IRF2BP1: variants seen among roughly 807,000 people sequenced by gnomAD.
The protein encoded by IRF2BP1 is interferon regulatory factor 2-binding protein 1.
In IRF2BP1, 9 loss-of-function variants were observed where a neutral mutation model predicts 38.6. The observed-to-expected ratio is 0.23, with a 90% CI of 0.14 to 0.41. The LOEUF (loss-of-function observed/expected upper bound fraction) is 0.41, where lower values mean the gene tolerates loss of function less well. IRF2BP1 is among the 10% of genes least tolerant of loss of function. The probability of loss-of-function intolerance (pLI) is 1.00; values close to 1 mark genes in which losing one functional copy is unlikely to be tolerated. For synonymous variants in IRF2BP1, 416 were observed against 383.4 expected (o/e 1.08, Z -0.99); for missense variants, 631 against 829.6 (o/e 0.76, Z 2.94).
Position 45,883,854 on chromosome 19 carries a change from C to T in IRF2BP1, c.*166G>A, listed in dbSNP as rs1343611761. Reference sequence around the variant, plus strand: ...CTCGGACAGGAGCCACAAGCTTTCTCCCCCCACCCACAATGCATCTACCCC... The same window carrying T: ...CTCGGACAGGAGCCACAAGCTTTCTTCCCCCACCCACAATGCATCTACCCC... On this transcript the variant is annotated 3_prime_UTR_variant, in exon 1 of 1. Coordinates refer to ENST00000302165, the MANE Select transcript of IRF2BP1 (RefSeq NM_015649.3). 3.3e-6 allele frequency: 2 copies of T among 602,640 alleles called. No homozygotes were observed. Among genetic ancestry groups the T allele is most frequent in the Non-Finnish European group, 2.7e-6 (1 of 368,660 alleles). 37.3% of individuals were successfully genotyped at this position (602,640 alleles called of 1,614,324 possible). A position where few individuals can be genotyped will look rare whatever the true frequency, so the allele number is the denominator to read the frequency against.
chr19:45,884,434 C>A lies in IRF2BP1; in HGVS notation c.1341G>T (p.Val447=). 6.3e-7 allele frequency: 1 copy of A among 1,597,320 alleles called. No homozygotes were observed. The highest frequency in any genetic ancestry group is 2.2e-5 in the East Asian group (1 of 44,660). The change falls in exon 1 of 1, where the codon GTG becomes GTT. Residue 447 remains valine (V), a synonymous_variant. Coordinates refer to ENST00000302165, the MANE Select transcript of IRF2BP1 (RefSeq NM_015649.3). ...CTGCAGGGCTGGCGCCCCCTGCACG[C>A]ACAGGCCCCCCGCCTCCGCCAGGGT... is the stretch of plus-strand genomic sequence containing the variant. ...PKDPGGGGGP[V]RAGGASPAAS...
In IRF2BP1 at chr19:45,883,774, C is replaced by T. The variant is rs1052129188; in HGVS notation, c.*246G>A. 6 of 404,586 alleles carry T rather than the reference C, an allele frequency of 1.5e-5. No individual in the cohort carries two copies. Among genetic ancestry groups the T allele is most frequent in the African/African-American group, 1.2e-4 (6 of 48,768 alleles). The allele number at this position is 404,586 out of a possible 1,614,324, so 25.1% of individuals were successfully genotyped here. On this transcript the variant is annotated 3_prime_UTR_variant, in exon 1 of 1. Transcript: ENST00000302165. ...CCCCCAACTACAAGCAGCAGCAAAG[C>T]CAAGCCAAGGAGGACAGAGGGAAAC...
At position 45,885,868 on chromosome 19, in the gene IRF2BP1, C is replaced by A. The variant is rs1479497870; in HGVS notation, c.-94G>T. 15 of 1,342,804 alleles carry A rather than the reference C, an allele frequency of 1.1e-5. No individual in the cohort carries two copies. The highest frequency in any genetic ancestry group is 1.4e-5 in the Non-Finnish European group (15 of 1,041,788). 83.2% of individuals were successfully genotyped at this position (1,342,804 alleles called of 1,614,324 possible). A position where few individuals can be genotyped will look rare whatever the true frequency, so the allele number is the denominator to read the frequency against. ...CGTTCGATCCGCGTCCCGGGGACAGCGCGAGCCACGGTCCGGCCTCCGGCT... is the reference window on the plus strand; with the variant it reads ...CGTTCGATCCGCGTCCCGGGGACAGAGCGAGCCACGGTCCGGCCTCCGGCT... On this transcript the variant is annotated 5_prime_UTR_variant, in exon 1 of 1. Coordinates refer to ENST00000302165, the MANE Select transcript of IRF2BP1 (RefSeq NM_015649.3).
Position 45,885,538 on chromosome 19 carries a change from G to A in IRF2BP1, c.237C>T (p.Asp79=). 1 of 1,430,984 alleles carries A rather than the reference G, an allele frequency of 7.0e-7. No individual in the cohort carries two copies. The highest frequency in any genetic ancestry group is 1.5e-5 in the African/African-American group (1 of 66,980). The allele number at this position is 1,430,984 out of a possible 1,614,324, so 88.6% of individuals were successfully genotyped here. Residue 79 remains aspartate, a synonymous_variant, in exon 1 of 1, where the codon GAC becomes GAT. Coordinates refer to ENST00000302165, the MANE Select transcript of IRF2BP1 (RefSeq NM_015649.3). ...PPALKHPATK[D]LAAAAAQGPQ... Reference sequence around the variant, plus strand: ...GCCCCTGTGCGGCTGCCGCCGCCAGGTCCTTGGTGGCCGGGTGCTTAAGGG... The same window carrying A: ...GCCCCTGTGCGGCTGCCGCCGCCAGATCCTTGGTGGCCGGGTGCTTAAGGG...
chr19:45,884,873 A>G lies in IRF2BP1; in HGVS notation c.902T>C (p.Leu301Pro), dbSNP rs1442150438. ...AVARQMFHDALREPGKALASS... is the reference protein window; with the variant it reads ...AVARQMFHDAPREPGKALASS... ...AGCCAGTGCCTTGCCCGGCTCCCGCAGAGCATCGTGGAACATCTGGCGAGC... is the reference window on the plus strand; with the variant it reads ...AGCCAGTGCCTTGCCCGGCTCCCGCGGAGCATCGTGGAACATCTGGCGAGC... The change falls in exon 1 of 1, where the codon CTG becomes CCG. Residue 301 changes from leucine to proline, a missense_variant. Around this residue, in one of 5 missense-constraint regions of IRF2BP1, gnomAD observed 133 missense variants for 232.2 expected, o/e 0.57. Transcript: ENST00000302165. 1 of 1,613,100 alleles carries G rather than the reference A, an allele frequency of 6.2e-7. No individual in the cohort carries two copies. The highest frequency in any genetic ancestry group is 2.2e-5 in the East Asian group (1 of 44,882).
In IRF2BP1 at chr19:45,885,499, G is replaced by A. The variant is rs1317371876; in HGVS notation, c.276C>T (p.Pro92=). 6.3e-6 allele frequency: 9 copies of A among 1,439,734 alleles called. No individual in the cohort carries two copies. The Middle Eastern group carries it at 7.5e-4, about 120-fold the overall frequency. The allele number at this position is 1,439,734 out of a possible 1,614,324, so 89.2% of individuals were successfully genotyped here. A position where few individuals can be genotyped will look rare whatever the true frequency, so the allele number is the denominator to read the frequency against. ...CTGACGGCTGGGGCTGGGCCTGCGGGGGCGGCAGCTGGGGCCCCTGTGCGG... is the reference window on the plus strand; with the variant it reads ...CTGACGGCTGGGGCTGGGCCTGCGGAGGCGGCAGCTGGGGCCCCTGTGCGG... ...AAAAQGPQLP[P]PQAQPQPSGT... The change falls in exon 1 of 1, where the codon CCC becomes CCT. Residue 92 remains proline, a synonymous_variant. Coordinates refer to ENST00000302165, the MANE Select transcript of IRF2BP1 (RefSeq NM_015649.3).
rs1321729588 is a variant in IRF2BP1 at position 45,884,493 on chromosome 19, T to G, written c.1282A>C (p.Asn428His). 1 of 1,600,256 alleles carries G rather than the reference T, an allele frequency of 6.2e-7. No homozygotes were observed. The highest frequency in any genetic ancestry group is 8.5e-7 in the Non-Finnish European group (1 of 1,179,382). ...GAGTGGCCCAGGGCTTCGGCCACATTCTTCAGGGCGGCAATGGGCGAGGGC... is the reference window on the plus strand; with the variant it reads ...GAGTGGCCCAGGGCTTCGGCCACATGCTTCAGGGCGGCAATGGGCGAGGGC... ...GVPSPIAALK[N>H]VAEALGHSPK... is the part of the protein sequence containing the mutation. Residue 428 changes from asparagine to histidine, a missense_variant, in exon 1 of 1, where the codon AAT becomes CAT. Physicochemically the swap from Asn to His is moderately conservative, Grantham distance 68. Transcript: ENST00000302165.
In IRF2BP1 at chr19:45,884,899, C is replaced by T. The variant is rs757395614; in HGVS notation, c.876G>A (p.Val292=). Residue 292 remains valine (V), a synonymous_variant, in exon 1 of 1, where the codon GTG becomes GTA. Transcript: ENST00000302165. ...SGNVYAGVLA[V]ARQMFHDALR... Reference sequence around the variant, plus strand: ...GAGCATCGTGGAACATCTGGCGAGCCACTGCCAGGACGCCGGCGTACACAT... The same window carrying T: ...GAGCATCGTGGAACATCTGGCGAGCTACTGCCAGGACGCCGGCGTACACAT... 1.5e-5 allele frequency: 25 copies of T among 1,613,136 alleles called. No homozygotes were observed. In the South Asian group the frequency reaches 2.6e-4, roughly 17 times the overall value.
In IRF2BP1 at chr19:45,885,617, C is replaced by T; in HGVS notation, c.158G>A (p.Arg53His). The T allele has an allele frequency of 6.5e-7, 1 of 1,541,544 alleles. No homozygotes were observed. Among genetic ancestry groups the T allele is most frequent in the Non-Finnish European group, 8.7e-7 (1 of 1,155,474 alleles). The change falls in exon 1 of 1, where the codon CGC becomes CAC. Residue 53 changes from arginine to histidine, a missense_variant. By Grantham distance (29) the Arg-to-His change is conservative (BLOSUM62 0). Coordinates refer to ENST00000302165, the MANE Select transcript of IRF2BP1 (RefSeq NM_015649.3). ...GAGCACGTGGCTGCGCTTGAGCTGGCGGGCGGCATCGATGAGCAGTTCGAT... is the reference window on the plus strand; with the variant it reads ...GAGCACGTGGCTGCGCTTGAGCTGGTGGGCGGCATCGATGAGCAGTTCGAT... ...DRIELLIDAA[R>H]QLKRSHVLPE...
At position 45,883,828 on chromosome 19, in the gene IRF2BP1, C is replaced by T; in HGVS notation, c.*192G>A. 2 of 529,070 alleles carry T rather than the reference C, an allele frequency of 3.8e-6. No homozygotes were observed. Among genetic ancestry groups the T allele is most frequent in the Non-Finnish European group, 6.5e-6 (2 of 306,922 alleles). 32.8% of individuals were successfully genotyped at this position (529,070 alleles called of 1,614,324 possible). A position where few individuals can be genotyped will look rare whatever the true frequency, so the allele number is the denominator to read the frequency against. ...AGGGGCCAAGGGACCCCAAACACCCCCTCGGACAGGAGCCACAAGCTTTCT... is the reference window on the plus strand; with the variant it reads ...AGGGGCCAAGGGACCCCAAACACCCTCTCGGACAGGAGCCACAAGCTTTCT... On this transcript the variant is annotated 3_prime_UTR_variant, in exon 1 of 1. Coordinates refer to ENST00000302165, the MANE Select transcript of IRF2BP1 (RefSeq NM_015649.3).
rs904172419 is a variant in IRF2BP1 at position 45,884,279 on chromosome 19, G to T, written c.1496C>A (p.Ala499Asp). The change falls in exon 1 of 1, where the codon GCC (alanine) becomes GAC (aspartate). Residue 499 changes from alanine (A) to aspartate (D), a missense_variant. Physicochemically the swap from Ala to Asp is moderately radical, Grantham distance 126 (BLOSUM62 -2). This residue lies in a region of IRF2BP1 where 201 missense variants were observed against 215.3 expected (regional missense o/e 0.93). Transcript: ENST00000302165. ...GGSGTGATPGAPLCCTLCRER... is the reference protein window; with the variant it reads ...GGSGTGATPGDPLCCTLCRER... ...CCTGCACAGGGTACAGCACAGGGGG[G>T]CCCCAGGGGTCGCCCCAGTGCCGCT... 1.2e-6 allele frequency: 2 copies of T among 1,609,588 alleles called. No homozygotes were observed. Among genetic ancestry groups the T allele is most frequent in the Non-Finnish European group, 1.7e-6 (2 of 1,178,556 alleles).
chr19:45,885,814 G>A lies in IRF2BP1; in HGVS notation c.-40C>T. ...CGCCGCCCAGCTCCCGCGTTCCACC[G>A]GCCGCCGACGTGCGATCCGCGCCGC... On this transcript the variant is annotated 5_prime_UTR_variant, in exon 1 of 1. Coordinates refer to ENST00000302165, the MANE Select transcript of IRF2BP1 (RefSeq NM_015649.3). The A allele has an allele frequency of 6.7e-7, 1 of 1,490,322 alleles. No individual in the cohort carries two copies. Among genetic ancestry groups the A allele is most frequent in the Non-Finnish European group, 8.8e-7 (1 of 1,130,870 alleles). 92.3% of individuals were successfully genotyped at this position (1,490,322 alleles called of 1,614,324 possible). A position where few individuals can be genotyped will look rare whatever the true frequency, so the allele number is the denominator to read the frequency against.
chr19:45,884,640 G>T lies in IRF2BP1; in HGVS notation c.1135C>A (p.Arg379Ser), dbSNP rs1273532379. ...APSRNLAPTPRRRKASPEPEG... is the reference protein window; with the variant it reads ...APSRNLAPTPSRRKASPEPEG... ...GGCTCGGGGGATGCCTTGCGACGGC[G>T]CGGCGTGGGCGCCAGGTTCCGGGAT... is the stretch of plus-strand genomic sequence containing the variant. The change falls in exon 1 of 1, where the codon CGC becomes AGC. Residue 379 changes from arginine (R) to serine (S), a missense_variant. Arg to Ser is a moderately radical substitution (Grantham distance 110). Transcript: ENST00000302165. 2 of 1,599,858 alleles carry T rather than the reference G, an allele frequency of 1.3e-6. No individual in the cohort carries two copies. The highest frequency in any genetic ancestry group is 1.7e-4 in the Middle Eastern group (1 of 5,960).
Position 45,884,662 on chromosome 19 carries a change from G to T in IRF2BP1, c.1113C>A (p.Ser371=), listed in dbSNP as rs760512789. The change falls in exon 1 of 1, where the codon TCC becomes TCA. Residue 371 remains serine, a synonymous_variant. Transcript: ENST00000302165. ...ALCGPPPRAP[S]RNLAPTPRRR... ...GGCGCGGCGTGGGCGCCAGGTTCCGGGATGGGGCTCGCGGGGGTGGGCCAC... is the reference window on the plus strand; with the variant it reads ...GGCGCGGCGTGGGCGCCAGGTTCCGTGATGGGGCTCGCGGGGGTGGGCCAC... 1.2e-6 allele frequency: 2 copies of T among 1,602,742 alleles called. No homozygotes were observed. The highest frequency in any genetic ancestry group is 1.7e-6 in the Non-Finnish European group (2 of 1,177,786).
chr19:45,884,722 G>T lies in IRF2BP1; in HGVS notation c.1053C>A (p.Pro351=). The T allele has an allele frequency of 6.2e-7, 1 of 1,610,738 alleles. No individual in the cohort carries two copies. Among genetic ancestry groups the T allele is most frequent in the Non-Finnish European group, 8.5e-7 (1 of 1,179,316 alleles). ...CAGGGGCCGGCTCTGGGTACTGCTG[G>T]GGCAGGGCCTCCGCGGGAGCTGGCT... The part of the protein sequence containing the change: ...FREPAPAEAL[P]QQYPEPAPAA... Residue 351 remains proline, a synonymous_variant, in exon 1 of 1, where the codon CCC becomes CCA. Coordinates refer to ENST00000302165, the MANE Select transcript of IRF2BP1 (RefSeq NM_015649.3).
rs1370881778 is a variant in IRF2BP1, at chr19:45,885,076, T to G, written c.699A>C (p.Leu233=). ...HGRPKAVREQ[L]LALSACAPFN... ...ACGGGGCGCAGGCGGACAGCGCCAG[T>G]AGCTGTTCCCGCACTGCTTTGGGGC... Residue 233 remains leucine, a synonymous_variant, in exon 1 of 1, where the codon CTA becomes CTC. Transcript: ENST00000302165. 1 of 1,612,564 alleles carries G rather than the reference T, an allele frequency of 6.2e-7. No individual in the cohort carries two copies. The highest frequency in any genetic ancestry group is 1.1e-5 in the South Asian group (1 of 91,088).
chr19:45,885,312 G>T lies in IRF2BP1; in HGVS notation c.463C>A (p.Leu155Ile). 1 of 1,605,226 alleles carries T rather than the reference G, an allele frequency of 6.2e-7. No individual in the cohort carries two copies. ...GGCATCAAGCCAGGCATGGAGCCAA[G>T]CAAGGCCCTTCGCGCCCCCTCAGCC... ...AVAEGARRALLGSMPGLMPPG... is the reference protein window; with the variant it reads ...AVAEGARRALIGSMPGLMPPG... Residue 155 changes from leucine to isoleucine, a missense_variant, in exon 1 of 1, where the codon CTT becomes ATT. By Grantham distance (5) the Leu-to-Ile change is conservative. This residue lies in a region of IRF2BP1 where 206 missense variants were observed against 207.0 expected (regional missense o/e 1.00). Transcript: ENST00000302165.
chr19:45,884,709 C>G lies in IRF2BP1; in HGVS notation c.1066G>C (p.Glu356Gln). 6.2e-7 allele frequency: 1 copy of G among 1,609,618 alleles called. No homozygotes were observed. Among genetic ancestry groups the G allele is most frequent in the Non-Finnish European group, 8.5e-7 (1 of 1,178,866 alleles). ...CCACAGAGAGCCGCAGGGGCCGGCT[C>G]TGGGTACTGCTGGGGCAGGGCCTCC... ...PAEALPQQYP[E>Q]PAPAALCGPP... The change falls in exon 1 of 1, where the codon GAG becomes CAG. Residue 356 changes from glutamate (E) to glutamine (Q), a missense_variant. Around this residue, in one of 5 missense-constraint regions of IRF2BP1, gnomAD observed 133 missense variants for 232.2 expected, o/e 0.57. Transcript: ENST00000302165.
In IRF2BP1 at chr19:45,884,330, C is replaced by T; in HGVS notation, c.1445G>A (p.Gly482Glu). Residue 482 changes from glycine to glutamate, a missense_variant, in exon 1 of 1, where the codon GGG becomes GAG. This residue lies in a region of IRF2BP1 where 201 missense variants were observed against 215.3 expected (regional missense o/e 0.93). Transcript: ENST00000302165. ...NGEAEVSPTA[G>E]AEAVSGGGSG... ...GCCACCCCCGCTGACAGCTTCGGCC[C>T]CCGCTGTGGGACTGACTTCTGCTTC... 6.2e-7 allele frequency: 1 copy of T among 1,610,032 alleles called. No homozygotes were observed. The highest frequency in any genetic ancestry group is 8.5e-7 in the Non-Finnish European group (1 of 1,179,228).
Sources: gnomAD v4.1 joint callset for allele counts on GRCh38, gnomAD v4.1.1 for gene constraint, gnomAD v4.1.1 regional missense constraint, MANE v1.5 for transcripts, NCBI Gene and HGNC (gene_info 2026-07-23, HGNC 2026-07-21) for gene names.